LHFPL3: variants seen among roughly 807,000 people sequenced by gnomAD.
LHFPL3 encodes LHFPL tetraspan subfamily member 3 protein.
Under a neutral mutation model 19.3 loss-of-function variants are expected in LHFPL3, and 5 were observed. That is an observed-to-expected ratio of 0.26 (90% CI 0.14 to 0.54). LHFPL3 has a LOEUF of 0.54. Ranked by LOEUF, LHFPL3 falls within the 20% of genes least tolerant of loss-of-function variation. The pLI is 0.94. For missense variants in LHFPL3, 249 were observed against 307.4 expected (o/e 0.81, Z 1.42); for synonymous variants, 133 against 126.2 (o/e 1.05, Z -0.36).
At chr7:104,375,574 A>T (rs1562878681) in intron 1 of LHFPL3, among the ~76,000 whole-genome samples, 1 of 152,240 alleles carries the variant, frequency 6.6e-6, no homozygotes, top group African/African-American at 2.4e-5. Context: ...TCAAAATAGT[A>T]TAAAGCTAAC....
At chr7:104,464,637 G>A (rs1029152711) in intron 1 of LHFPL3, among the ~76,000 whole-genome samples, 3 of 152,230 alleles carry the variant, frequency 2.0e-5, no homozygotes, top group African/African-American at 7.2e-5. Flanking sequence ...CGAAGGCTTG[G>A]GGCTTGCAGT....
chr7:104,541,326 TGGGG>T (rs1794483300), intron 1 of LHFPL3, among the ~76,000 whole-genome samples: 1 of 152,074 alleles, frequency 6.6e-6, no homozygotes, highest in Non-Finnish European at 1.5e-5. Context: ...GTAAATAACT[TGGGG>T]TCAAGGACAG....
chr7:104,660,257 T>C (rs1164296572), intron 1 of LHFPL3, among the ~76,000 whole-genome samples: 2 of 152,198 alleles, frequency 1.3e-5, no homozygotes, highest in Non-Finnish European at 2.9e-5. Context: ...CGCCTTTGCC[T>C]CCCAAAGTGC....
chr7:104,787,477 G>C (rs919062904), intron 2 of LHFPL3, among the ~76,000 whole-genome samples: 1 of 152,198 alleles, frequency 6.6e-6, no homozygotes, highest in African/African-American at 2.4e-5. Flanking sequence ...CAGATATGGT[G>C]TCTGAGGAAG....
intron 1 of LHFPL3, among the ~76,000 whole-genome samples, chr7:104,726,056 A>AAAAAAG (rs1793586042): frequency 2.6e-5 from 1 of 39,050 alleles, no homozygotes; most frequent in East Asian, 2.1e-3. Context: ...CATCTCAGGC[A>AAAAAAG]AAAAAAAAAA....
chr7:104,556,968 C>T (rs1789850265), intron 1 of LHFPL3, among the ~76,000 whole-genome samples: 1 of 152,162 alleles, frequency 6.6e-6, no homozygotes, highest in South Asian at 2.1e-4. Context: ...TAGCAAGAGC[C>T]ACCTTTGCTC....
intron 1 of LHFPL3, among the ~76,000 whole-genome samples, chr7:104,454,847 A>T (rs1300679864): frequency 1.3e-5 from 2 of 152,180 alleles, no homozygotes; most frequent in Admixed American, 6.5e-5. Flanking sequence ...TTCCTATGTT[A>T]TAATTTTGTT....
At chr7:104,352,165 A>T (rs1394920733) in intron 1 of LHFPL3, among the ~76,000 whole-genome samples, 1 of 146,702 alleles carries the variant, frequency 6.8e-6, no homozygotes, top group African/African-American at 2.5e-5. Context: ...GCCCTGTATA[A>T]AAAAAAAAAA....
intron 1 of LHFPL3, among the ~76,000 whole-genome samples, chr7:104,378,228 G>A (rs1484129858): frequency 3.3e-5 from 5 of 152,144 alleles, no homozygotes; most frequent in Non-Finnish European, 7.4e-5. Context: ...CCTTTTTGCA[G>A]TTATCCCCTC....
At chr7:104,596,468 G>C (rs931027609) in intron 1 of LHFPL3, among the ~76,000 whole-genome samples, 1 of 152,172 alleles carries the variant, frequency 6.6e-6, no homozygotes, top group Non-Finnish European at 1.5e-5. Flanking sequence ...AAGTCTAAGT[G>C]GTCACTTTTT....
chr7:104,834,297 GC>G (rs1791048719), intron 2 of LHFPL3, among the ~76,000 whole-genome samples: 1 of 151,128 alleles, frequency 6.6e-6, no homozygotes, highest in Non-Finnish European at 1.5e-5. Context: ...CCAAGATCCT[GC>G]CACTGCACTC....
At chr7:104,705,908 C>A (rs1044253521) in intron 1 of LHFPL3, among the ~76,000 whole-genome samples, 1 of 152,142 alleles carries the variant, frequency 6.6e-6, no homozygotes, top group Non-Finnish European at 1.5e-5. Context: ...CAGGACTCTA[C>A]TTGTCAGACC....
At chr7:104,476,823 C>T (rs185074657) in intron 1 of LHFPL3, among the ~76,000 whole-genome samples, 75 of 152,048 alleles carry the variant, frequency 4.9e-4, no homozygotes, top group African/African-American at 1.8e-3. Flanking sequence ...TTATTTGCAC[C>T]AAAATTTTCT....
At chr7:104,889,106 C>T (rs539631611) in intron 2 of LHFPL3, among the ~76,000 whole-genome samples, 9 of 152,172 alleles carry the variant, frequency 5.9e-5, no homozygotes, top group South Asian at 2.1e-4. Flanking sequence ...TGAGAAGGAA[C>T]GGAGGTGAAT....
intron 2 of LHFPL3, among the ~76,000 whole-genome samples, chr7:104,782,094 T>C (rs1562990753): frequency 6.6e-6 from 1 of 152,186 alleles, no homozygotes; most frequent in Non-Finnish European, 1.5e-5. Flanking sequence ...CATGGCATCA[T>C]GCATGGTATT....
At chr7:104,425,140 A>AAG (rs1791819546) in intron 1 of LHFPL3, among the ~76,000 whole-genome samples, 2 of 151,876 alleles carry the variant, frequency 1.3e-5, no homozygotes, top group Admixed American at 6.6e-5. Context: ...ACTACATAGT[A>AAG]GGGCCCAGTG....
intron 1 of LHFPL3, among the ~76,000 whole-genome samples, chr7:104,592,724 G>C (rs958913518): frequency 6.6e-6 from 1 of 152,132 alleles, no homozygotes; most frequent in African/African-American, 2.4e-5. Flanking sequence ...GAGGCAGGCC[G>C]GCCTCCTTGA....
rs112528254 is a variant in LHFPL3, at chr7:104,354,243, A to G, written c.445+25019A>G. ...GGCTCGTTATTGCTGACGACTGCAC[A>G]GTACTCCAGAGTTGCGTCCACCACA... On this transcript the variant is annotated intron_variant, in intron 1 of 2. Transcript: ENST00000424859. 7.7e-3 allele frequency among the ~76,000 whole-genome samples: 1,171 copies of G among 152,348 alleles called. 12 individuals carry two copies. The highest frequency in any genetic ancestry group is 0.026 in the African/African-American group (1,095 of 41,594).
chr7:104,677,686 C>G (rs886846853), intron 1 of LHFPL3, among the ~76,000 whole-genome samples: 1 of 152,192 alleles, frequency 6.6e-6, no homozygotes, highest in African/African-American at 2.4e-5. Context: ...TGGAAGTGTT[C>G]CGTATCTATG....
Sources: allele counts gnomAD v4.1 joint callset (sites outside exome capture counted in the v4.1 genomes callset), GRCh38; gene constraint gnomAD v4.1.1; transcripts MANE v1.5; gene names NCBI Gene and HGNC (gene_info 2026-07-23, HGNC 2026-07-21).